The following SRGAP1 variants were observed in gnomAD, a reference collection of about 807,000 sequenced individuals.
SRGAP1 encodes SLIT-ROBO Rho GTPase-activating protein 1.
In SRGAP1, 43 loss-of-function variants were observed where a neutral mutation model predicts 121.9. That is an observed-to-expected ratio of 0.35 (90% CI 0.28 to 0.46). The LOEUF (loss-of-function observed/expected upper bound fraction) is 0.46. Among genes scored for constraint, SRGAP1 ranks in the 20% least tolerant of loss-of-function variants. SRGAP1 has a pLI of 1.00. For missense variants in SRGAP1, 1,102 were observed against 1,350.9 expected (o/e 0.82, Z 2.89); for synonymous variants, 447 against 485.4 (o/e 0.92, Z 1.04).
chr12:64,052,577 G>A (rs143869915), intron 6 of SRGAP1, among the ~76,000 whole-genome samples: 3 of 151,370 alleles, frequency 2.0e-5, no homozygotes, highest in Non-Finnish European at 4.4e-5. Context: ...CAAAATAAAC[G>A]TATATGTTTT....
chr12:63,974,114 A>G (rs1016939766), intron 1 of SRGAP1, among the ~76,000 whole-genome samples: 11 of 152,196 alleles, frequency 7.2e-5, no homozygotes, highest in African/African-American at 2.7e-4. Flanking sequence ...TTTTAAATAA[A>G]AGTACAATAG....
intron 1 of SRGAP1, among the ~76,000 whole-genome samples, chr12:63,951,132 G>T (rs548066934): frequency 7.1e-6 from 1 of 140,020 alleles, no homozygotes; most frequent in East Asian, 2.1e-4. Context: ...TGAATGGGCT[G>T]GTCCATGCCA....
chr12:64,125,830 C>T lies in SRGAP1; in HGVS notation c.2225-147C>T, dbSNP rs567040610. On this transcript the variant is annotated intron_variant, in intron 18 of 21. Coordinates refer to ENST00000355086, the MANE Select transcript of SRGAP1 (RefSeq NM_020762.4). ...CTTTTTAAACAGCCTCTATTTTCTCCTGCCTTGATAATATGTTGATGACTC... is the reference window on the plus strand; with the variant it reads ...CTTTTTAAACAGCCTCTATTTTCTCTTGCCTTGATAATATGTTGATGACTC... 3.0e-5 allele frequency: 20 copies of T among 662,326 alleles called. No individual in the cohort carries two copies. In the South Asian group the frequency reaches 7.0e-4, roughly 23 times the overall value. 41.0% of individuals were successfully genotyped at this position (662,326 alleles called of 1,614,324 possible). A position where few individuals can be genotyped will look rare whatever the true frequency, so the allele number is the denominator to read the frequency against.
At chr12:63,845,220 TATC>T (rs575664491) in intron 1 of SRGAP1, among the ~76,000 whole-genome samples, 263 of 152,342 alleles carry the variant, frequency 1.7e-3, no homozygotes, top group African/African-American at 6.0e-3. Flanking sequence ...CAGCTATTAT[TATC>T]ACCATCATTA....
chr12:63,923,555 TTCTG>T (rs907855532), intron 1 of SRGAP1, among the ~76,000 whole-genome samples: 1 of 152,222 alleles, frequency 6.6e-6, no homozygotes, highest in African/African-American at 2.4e-5. Context: ...AGATTACTTA[TTCTG>T]TCTCTCTAAT....
chr12:64,111,151 A>G (rs1359652433), intron 16 of SRGAP1, among the ~76,000 whole-genome samples: 1 of 152,224 alleles, frequency 6.6e-6, no homozygotes, highest in East Asian at 1.9e-4. Flanking sequence ...CAAGCCTTGC[A>G]TAGAATAAGA....
intron 6 of SRGAP1, among the ~76,000 whole-genome samples, chr12:64,053,455 T>TA (rs1301172354): frequency 6.6e-6 from 1 of 152,224 alleles, no homozygotes; most frequent in East Asian, 1.9e-4. Context: ...AGAAGACTTT[T>TA]AAGAGTGCTT....
At chr12:64,095,326 G>C (rs946263445) in intron 14 of SRGAP1, 122 bp downstream of exon 14, 6 of 754,400 alleles carry the variant, frequency 8.0e-6, no homozygotes, top group South Asian at 3.5e-5. Context: ...TGCATTAGGG[G>C]TGCAGCAGTA....
chr12:63,944,333 A>G (rs1489427428), intron 1 of SRGAP1, among the ~76,000 whole-genome samples: 2 of 152,178 alleles, frequency 1.3e-5, no homozygotes, highest in Non-Finnish European at 2.9e-5. Context: ...ACCGTTCTGG[A>G]GGCTGGGAAG....
chr12:63,904,535 TTTCTC>T (rs772232869), intron 1 of SRGAP1, among the ~76,000 whole-genome samples: 47 of 152,226 alleles, frequency 3.1e-4, no homozygotes, highest in Non-Finnish European at 6.3e-4. Flanking sequence ...GTCCTTGTCA[TTTCTC>T]TTCTAATGTG....
At chr12:64,119,319 AACAC>A (rs1311892732) in intron 18 of SRGAP1, among the ~76,000 whole-genome samples, 2 of 152,200 alleles carry the variant, frequency 1.3e-5, no homozygotes, top group African/African-American at 2.4e-5. Context: ...TTCATAAAGC[AACAC>A]CTCTGCTTTG....
intron 11 of SRGAP1, 28 bp from the exon 12 acceptor site, chr12:64,091,248 G>T (rs1268465568): frequency 6.8e-7 from 1 of 1,473,410 alleles, no homozygotes; most frequent in East Asian, 2.4e-5. Context: ...TTTCTGCCAT[G>T]CTCAGTAATT....
chr12:63,886,540 C>T lies in SRGAP1; in HGVS notation c.67+41657C>T, dbSNP rs558327927. 4.0e-5 allele frequency among the ~76,000 whole-genome samples: 6 copies of T among 149,206 alleles called. No homozygotes were observed. In the South Asian group the frequency reaches 1.2e-3, roughly 31 times the overall value. On this transcript the variant is annotated intron_variant, in intron 1 of 21. Transcript: ENST00000355086. ...CTTGTCGTCCAGGCTGGAGTCCAGG[C>T]ACAATCTTGGCTCACTCAGCCTTGA... is the stretch of plus-strand genomic sequence containing the variant.
chr12:63,946,609 T>C (rs2032057459), intron 1 of SRGAP1, among the ~76,000 whole-genome samples: 1 of 151,726 alleles, frequency 6.6e-6, no homozygotes, highest in Admixed American at 6.6e-5. Flanking sequence ...AGTGGTGGGA[T>C]CTTGGCTCAC....
At chr12:64,003,068 GAGGGAGGGAGGA>G (rs1327664936) in intron 3 of SRGAP1, among the ~76,000 whole-genome samples, 1 of 127,150 alleles carries the variant, frequency 7.9e-6, no homozygotes, top group Non-Finnish European at 1.7e-5. Context: ...GAAAGAAAGG[GAGGGAGGGAGGA>G]AGGGAGGGTG....
At chr12:64,092,606 G>A (rs2136586180) in intron 12 of SRGAP1, among the ~76,000 whole-genome samples, 1 of 152,194 alleles carries the variant, frequency 6.6e-6, no homozygotes, top group Non-Finnish European at 1.5e-5. Context: ...CAGATCTACT[G>A]CCTTAAGCCT....
rs1439123798 is a variant in SRGAP1 at position 63,913,480 on chromosome 12, T to TATATATATATATATATATGG, written c.67+68608_67+68609insTATATATGGATATATATATA. On this transcript the variant is annotated intron_variant, in intron 1 of 21. Transcript: ENST00000355086. ...ATATATATATATATATATATATGGA[T>TATATATATATATATATATGG]ATATATATATAAATACACATATATG... Among the ~76,000 whole-genome samples, 222 of 108,514 alleles carry TATATATATATATATATATGG rather than the reference T, an allele frequency of 2.0e-3. 1 individual carries two copies. The highest frequency in any genetic ancestry group is 2.4e-3 in the Non-Finnish European group (129 of 53,224). 71.2% of individuals were successfully genotyped at this position (108,514 alleles called of 152,430 possible). A position where few individuals can be genotyped will look rare whatever the true frequency, so the allele number is the denominator to read the frequency against.
At chr12:63,872,132 A>T in intron 1 of SRGAP1, 1 of 482,540 alleles carries the variant, frequency 2.1e-6, no homozygotes, top group Non-Finnish European at 3.8e-6. Flanking sequence ...CCTAACCGGG[A>T]GTTTTTCTTT....
chr12:63,907,693 G>C (rs917149514), intron 1 of SRGAP1, among the ~76,000 whole-genome samples: 6 of 152,096 alleles, frequency 3.9e-5, no homozygotes, highest in African/African-American at 1.2e-4. Context: ...TTGCTCTCTT[G>C]ATGGTGTCCT....
Sources: gnomAD v4.1 joint callset for allele counts (sites outside exome capture counted in the v4.1 genomes callset) on GRCh38, gnomAD v4.1.1 for gene constraint, MANE v1.5 for transcripts, NCBI Gene and HGNC (gene_info 2026-07-23, HGNC 2026-07-21) for gene names.